Variants in EEIG2 observed in about 807,000 individuals in gnomAD.
EEIG2 encodes the protein EEIG family member 2, also known as family with sequence similarity 102 member B.
the EEIG2 span, among the ~76,000 whole-genome samples, chr1:108,584,113 T>A: frequency 6.6e-6 from 1 of 152,122 alleles, no homozygotes; most frequent in Non-Finnish European, 1.5e-5. Context: ...AGCAGAAGTG[T>A]GGAGTGTAAC....
the EEIG2 span, among the ~76,000 whole-genome samples, chr1:108,561,824 T>C: frequency 6.6e-6 from 1 of 152,228 alleles, no homozygotes; most frequent in Non-Finnish European, 1.5e-5. Flanking sequence ...TTCGTGAAGG[T>C]CCTGTTGGTG....
At chr1:108,594,722 A>G in the EEIG2 span, among the ~76,000 whole-genome samples, 1 of 152,164 alleles carries the variant, frequency 6.6e-6, no homozygotes, top group African/African-American at 2.4e-5. Context: ...AGGCAGAGTG[A>G]TAGTAAGTAG....
the EEIG2 span, among the ~76,000 whole-genome samples, chr1:108,572,764 C>T: frequency 1.2e-4 from 18 of 152,178 alleles, no homozygotes; most frequent in East Asian, 3.9e-4. Context: ...TACAGGAGCG[C>T]GCCACCACAC....
chr1:108,617,832 C>G, the EEIG2 span, among the ~76,000 whole-genome samples: 3 of 152,162 alleles, frequency 2.0e-5, no homozygotes, highest in African/African-American at 7.2e-5. Flanking sequence ...GAATAAGCAC[C>G]TGTGTCACAC....
the EEIG2 span, among the ~76,000 whole-genome samples, chr1:108,603,404 G>C: frequency 6.6e-6 from 1 of 151,956 alleles, no homozygotes; most frequent in Non-Finnish European, 1.5e-5. Flanking sequence ...CTCACTCTCT[G>C]AGAGTTTCAA....
the EEIG2 span, chr1:108,627,884 GAAC>G: frequency 5.0e-5 from 18 of 356,820 alleles, no homozygotes; most frequent in Admixed American, 6.1e-4. Context: ...TAAATGTTTT[GAAC>G]AACAGGAGTT....
chr1:108,614,179 G>A, the EEIG2 span, among the ~76,000 whole-genome samples: 1 of 142,474 alleles, frequency 7.0e-6, no homozygotes, highest in Non-Finnish European at 1.5e-5. Context: ...AGACCAGTCT[G>A]GGCAACATAG....
chr1:108,580,727 C>G, the EEIG2 span, among the ~76,000 whole-genome samples: 4 of 152,104 alleles, frequency 2.6e-5, no homozygotes, highest in Non-Finnish European at 4.4e-5. Context: ...TCTATGAAGT[C>G]TAAGAGGTGA....
At chr1:108,605,486 A>C in the EEIG2 span, among the ~76,000 whole-genome samples, 1 of 152,216 alleles carries the variant, frequency 6.6e-6, no homozygotes. Context: ...CAAGAAAGAT[A>C]AGAGACAACA....
the EEIG2 span, among the ~76,000 whole-genome samples, chr1:108,591,312 A>G: frequency 1.4e-4 from 22 of 152,324 alleles, no homozygotes; most frequent in South Asian, 2.7e-3. Context: ...GTGTGTACAC[A>G]TTAAAGATTA....
At chr1:108,565,466 C>T in the EEIG2 span, among the ~76,000 whole-genome samples, 35 of 152,240 alleles carry the variant, frequency 2.3e-4, no homozygotes, top group Admixed American at 2.1e-3. Flanking sequence ...ATCTTTTCAC[C>T]GTACTTCCTT....
chr1:108,595,326 TGAAG>T, the EEIG2 span, among the ~76,000 whole-genome samples: 5 of 97,364 alleles, frequency 5.1e-5, no homozygotes, highest in East Asian at 3.2e-4. Flanking sequence ...AGGGAAAGAA[TGAAG>T]GAAGGAAGGA....
chr1:108,566,973 A>C, the EEIG2 span, among the ~76,000 whole-genome samples: 3 of 152,282 alleles, frequency 2.0e-5, no homozygotes, highest in South Asian at 2.1e-4. Context: ...ATACTTGAAA[A>C]TTGCTAAGAG....
At chr1:108,587,638 G>T in the EEIG2 span, among the ~76,000 whole-genome samples, 5 of 152,082 alleles carry the variant, frequency 3.3e-5, no homozygotes, top group Non-Finnish European at 7.4e-5. Flanking sequence ...GCCTTTTCCA[G>T]TATGTCATAG....
chr1:108,605,582 A>G, the EEIG2 span, among the ~76,000 whole-genome samples: 1 of 152,190 alleles, frequency 6.6e-6, no homozygotes. Context: ...ATACAAACAC[A>G]TACCATGTGC....
At chr1:108,572,064 A>T in the EEIG2 span, among the ~76,000 whole-genome samples, 1 of 151,884 alleles carries the variant, frequency 6.6e-6, no homozygotes. Context: ...CTCAACTAAA[A>T]CTGTTTTTGC....
At chr1:108,560,262 AGGC>A in the EEIG2 span, 1 of 229,810 alleles carries the variant, frequency 4.4e-6, no homozygotes, top group Non-Finnish European at 7.0e-6. Flanking sequence ...CTGCCGCGAG[AGGC>A]GGCGGCAGCG....
the EEIG2 span, among the ~76,000 whole-genome samples, chr1:108,584,754 G>A: frequency 6.6e-6 from 1 of 152,054 alleles, no homozygotes; most frequent in Non-Finnish European, 1.5e-5. Flanking sequence ...AAAGTATCAC[G>A]TCTGTGTACC....
At chr1:108,622,335 A>G in the EEIG2 span, among the ~76,000 whole-genome samples, 1 of 152,226 alleles carries the variant, frequency 6.6e-6, no homozygotes, top group African/African-American at 2.4e-5. Context: ...TGACAGTAGC[A>G]TGGAGTAGAG....
Sources: allele counts gnomAD v4.1 joint callset (sites outside exome capture counted in the v4.1 genomes callset), GRCh38; gene constraint gnomAD v4.1.1; transcripts MANE v1.5; gene names NCBI Gene and HGNC (gene_info 2026-07-23, HGNC 2026-07-21).